The following NEGR1 variants were observed in gnomAD, a reference collection of about 807,000 sequenced individuals.
NEGR1 encodes the protein neuronal growth regulator 1, also known as IgLON family member 4.
A neutral mutation model predicts 40.9 loss-of-function variants in NEGR1; 10 were observed. That is an observed-to-expected ratio of 0.24 (90% CI 0.15 to 0.42). NEGR1 has a LOEUF of 0.42. Among genes scored for constraint, NEGR1 ranks in the 10% least tolerant of loss-of-function variants. The pLI is 1.00. For missense variants in NEGR1, 352 were observed against 438.9 expected (o/e 0.80, Z 1.77); for synonymous variants, 185 against 166.8 (o/e 1.11, Z -0.84).
intron 1 of NEGR1, among the ~76,000 whole-genome samples, chr1:72,012,774 T>G (rs1646668574): frequency 6.6e-6 from 1 of 150,672 alleles, no homozygotes; most frequent in Admixed American, 6.6e-5. Context: ...ATCTCATTGA[T>G]ATTTTGTTAA....
intron 1 of NEGR1, among the ~76,000 whole-genome samples, chr1:72,069,488 T>A (rs1305275548): frequency 6.6e-6 from 1 of 152,102 alleles, no homozygotes; most frequent in Non-Finnish European, 1.5e-5. Context: ...GTATGAATTT[T>A]GATTAAGATG....
Position 71,860,869 on chromosome 1 carries a change from T to C in NEGR1, c.409+74210A>G, listed in dbSNP as rs544188934. 1.6e-3 allele frequency among the ~76,000 whole-genome samples: 245 copies of C among 152,148 alleles called. 2 individuals are homozygous for C. The highest frequency in any genetic ancestry group is 5.6e-3 in the African/African-American group (231 of 41,548). On this transcript the variant is annotated intron_variant, in intron 2 of 6. Transcript: ENST00000357731. Reference sequence around the variant, plus strand: ...GTTGGGAATAGTGAACATATGAGCATGAAAAAATTGGAGTTTATTTTTATA... The same window carrying C: ...GTTGGGAATAGTGAACATATGAGCACGAAAAAATTGGAGTTTATTTTTATA...
chr1:71,459,008 GT>G (rs1292172045), intron 6 of NEGR1, among the ~76,000 whole-genome samples: 1 of 151,838 alleles, frequency 6.6e-6, no homozygotes, highest in African/African-American at 2.4e-5. Context: ...TGAGCTTCAA[GT>G]TCTTTATCAG....
At chr1:72,194,531 T>C (rs1014375683) in intron 1 of NEGR1, among the ~76,000 whole-genome samples, 12 of 152,060 alleles carry the variant, frequency 7.9e-5, no homozygotes, top group African/African-American at 2.9e-4. Context: ...CACTCAGAAA[T>C]AGGCTTAAAC....
chr1:72,198,643 T>C (rs1171668296), intron 1 of NEGR1, among the ~76,000 whole-genome samples: 1 of 152,038 alleles, frequency 6.6e-6, no homozygotes, highest in East Asian at 1.9e-4. Context: ...TTCTTTGATC[T>C]TTTTAAATTG....
At chr1:72,092,781 T>G (rs1021240) in intron 1 of NEGR1, among the ~76,000 whole-genome samples, 33,838 of 151,818 alleles carry the variant, frequency 0.22, 3,939 homozygotes, top group East Asian at 0.34. Flanking sequence ...CTCCCAAGTG[T>G]CTGGGACTAC....
At chr1:71,543,165 T>C (rs753052689) in intron 6 of NEGR1, among the ~76,000 whole-genome samples, 1 of 151,710 alleles carries the variant, frequency 6.6e-6, no homozygotes, top group Non-Finnish European at 1.5e-5. Flanking sequence ...AAATATTTAC[T>C]AGATAAATGA....
At chr1:72,162,666 G>A (rs1017237268) in intron 1 of NEGR1, among the ~76,000 whole-genome samples, 2 of 151,996 alleles carry the variant, frequency 1.3e-5, no homozygotes, top group African/African-American at 4.8e-5. Context: ...GTGATAAATT[G>A]GTTATTGAAA....
intron 2 of NEGR1, among the ~76,000 whole-genome samples, chr1:71,829,015 T>TA (rs1658742719): frequency 6.6e-6 from 1 of 151,912 alleles, no homozygotes; most frequent in Non-Finnish European, 1.5e-5. Flanking sequence ...CCATATAGTT[T>TA]AACCCTCCTT....
intron 1 of NEGR1, among the ~76,000 whole-genome samples, chr1:71,957,666 T>C (rs765723182): frequency 6.6e-6 from 1 of 152,134 alleles, no homozygotes; most frequent in Non-Finnish European, 1.5e-5. Flanking sequence ...AAAATGTCAA[T>C]TGGGTTTGGA....
At chr1:71,580,249 T>C (rs1037124578) in intron 6 of NEGR1, among the ~76,000 whole-genome samples, 11 of 148,230 alleles carry the variant, frequency 7.4e-5, no homozygotes, top group African/African-American at 1.5e-4. Flanking sequence ...TAGGTGGGAA[T>C]TGAACAATGA....
intron 3 of NEGR1, among the ~76,000 whole-genome samples, chr1:71,759,366 C>T (rs1270241846): frequency 3.1e-5 from 4 of 130,612 alleles, no homozygotes; most frequent in East Asian, 2.5e-4. Context: ...GGCACGATCT[C>T]GGCTCACTGC....
At chr1:71,417,127 T>G (rs1247318616) in intron 6 of NEGR1, among the ~76,000 whole-genome samples, 1 of 152,236 alleles carries the variant, frequency 6.6e-6, no homozygotes, top group African/African-American at 2.4e-5. Context: ...AAGTCCTCTT[T>G]TCTCCTACAG....
chr1:72,240,391 T>A lies in NEGR1; in HGVS notation c.176+41928A>T, dbSNP rs549017201. ...ATGGTTCAGCTTTCAGAGTTTTGAC[T>A]GAAAAGTTAAATAAGCAAACTTCCC... On this transcript the variant is annotated intron_variant, in intron 1 of 6. Transcript: ENST00000357731. Among the ~76,000 whole-genome samples, 10 of 151,970 alleles carry A rather than the reference T, an allele frequency of 6.6e-5. No individual in the cohort carries two copies. In the South Asian group the frequency reaches 2.1e-3, roughly 31 times the overall value.
At chr1:72,242,056 A>G (rs774476729) in intron 1 of NEGR1, among the ~76,000 whole-genome samples, 9 of 151,790 alleles carry the variant, frequency 5.9e-5, no homozygotes, top group Non-Finnish European at 8.9e-5. Context: ...TTTCTAACAC[A>G]AACTATTAAT....
At chr1:71,894,473 T>A (rs1010513174) in intron 2 of NEGR1, among the ~76,000 whole-genome samples, 1 of 152,160 alleles carries the variant, frequency 6.6e-6, no homozygotes, top group Non-Finnish European at 1.5e-5. Flanking sequence ...ACAAACACTT[T>A]ACATGGATAA....
intron 1 of NEGR1, among the ~76,000 whole-genome samples, chr1:72,272,984 A>C (rs989690552): frequency 1.3e-5 from 2 of 151,958 alleles, no homozygotes; most frequent in African/African-American, 4.8e-5. Flanking sequence ...TAAGAGACCA[A>C]TTCCCATGCC....
chr1:72,265,802 A>G (rs1655618960), intron 1 of NEGR1, among the ~76,000 whole-genome samples: 1 of 150,870 alleles, frequency 6.6e-6, no homozygotes, highest in Non-Finnish European at 1.5e-5. Flanking sequence ...CATCATTATC[A>G]TAACAGAATA....
chr1:71,708,430 A>C (rs1653974600), intron 3 of NEGR1, among the ~76,000 whole-genome samples: 1 of 152,088 alleles, frequency 6.6e-6, no homozygotes, highest in Non-Finnish European at 1.5e-5. Flanking sequence ...TGAATTAGTG[A>C]GCAATCTACA....
Sources: allele counts gnomAD v4.1 joint callset (sites outside exome capture counted in the v4.1 genomes callset), GRCh38; gene constraint gnomAD v4.1.1; transcripts MANE v1.5; gene names NCBI Gene and HGNC (gene_info 2026-07-23, HGNC 2026-07-21).